NBAS: variants seen among roughly 807,000 people sequenced by gnomAD.
NBAS encodes the protein NBAS subunit of NRZ tethering complex, also known as NAG/BC035112 fusion.
In NBAS, 219 loss-of-function variants were observed where a neutral mutation model predicts 302.5. The observed-to-expected ratio is 0.72, with a 90% CI of 0.65 to 0.81. NBAS has a LOEUF of 0.81. Ranked by LOEUF, NBAS falls within the 30% of genes least tolerant of loss-of-function variation. The probability of loss-of-function intolerance (pLI) is 0.00; values close to 1 mark genes in which losing one functional copy is unlikely to be tolerated. For synonymous variants in NBAS, 1,118 were observed against 1,021.6 expected (o/e 1.09, Z -1.80); for missense variants, 2,932 against 2,841.6 (o/e 1.03, Z -0.72).
chr2:15,027,922 A>G, the NBAS span, among the ~76,000 whole-genome samples: 1 of 152,144 alleles, frequency 6.6e-6, no homozygotes, highest in Admixed American at 6.5e-5. Flanking sequence ...CAGTTTGTCA[A>G]TATAATAGAT....
intron 50 of NBAS, among the ~76,000 whole-genome samples, chr2:15,182,914 G>A (rs962747048): frequency 3.9e-5 from 6 of 152,070 alleles, no homozygotes; most frequent in African/African-American, 1.4e-4. Flanking sequence ...AAGTCTGTAA[G>A]CATGGGAGCT....
At chr2:14,923,829 A>T in the NBAS span, among the ~76,000 whole-genome samples, 2,705 of 152,222 alleles carry the variant, frequency 0.018, 31 homozygotes, top group Non-Finnish European at 0.027. Context: ...TAAGTTGGGG[A>T]TGGGGTGTCC....
intron 38 of NBAS, among the ~76,000 whole-genome samples, chr2:15,314,798 G>A (rs879028546): frequency 1.2e-4 from 18 of 152,274 alleles, no homozygotes; most frequent in East Asian, 1.9e-4. Flanking sequence ...TAATAGGAGC[G>A]TGGATGTACA....
At chr2:15,126,250 T>G in the NBAS span, among the ~76,000 whole-genome samples, 10 of 152,216 alleles carry the variant, frequency 6.6e-5, no homozygotes, top group Admixed American at 4.6e-4. Flanking sequence ...CCTCCATGAT[T>G]ATAAGCTTCC....
At chr2:14,872,543 T>C in the NBAS span, among the ~76,000 whole-genome samples, 1 of 152,210 alleles carries the variant, frequency 6.6e-6, no homozygotes, top group Admixed American at 6.5e-5. Flanking sequence ...CCTTCTGATA[T>C]TTGGAAGTGT....
chr2:15,359,537 T>G (rs916642959), intron 32 of NBAS, among the ~76,000 whole-genome samples: 4 of 152,112 alleles, frequency 2.6e-5, no homozygotes, highest in African/African-American at 9.7e-5. Context: ...AGATCTAAAA[T>G]TATTTTCCCA....
At chr2:15,164,375 A>T (rs964931676), downstream of NBAS, among the ~76,000 whole-genome samples, 2 of 152,240 alleles carry the variant, frequency 1.3e-5, no homozygotes, top group Non-Finnish European at 2.9e-5. Flanking sequence ...CTGGGTTTGC[A>T]TTGTGGTTCC....
In NBAS at chr2:15,504,201, G is replaced by A; in HGVS notation, c.898C>T (p.Leu300=). The change falls in exon 11 of 52, where the codon CTG becomes TTG. Residue 300 remains leucine, a synonymous_variant. Coordinates refer to ENST00000281513, the MANE Select transcript of NBAS (RefSeq NM_015909.4). ...ACACTTAACATCCTTAATAATCCCA[G>A]TGTCTTCGGTACCTGCAAAATAAAT... ...GDGVTAVPKT[L]GLLRMLSVKF... 1 of 1,612,334 alleles carries A rather than the reference G, an allele frequency of 6.2e-7. No individual in the cohort carries two copies. The highest frequency in any genetic ancestry group is 1.1e-5 in the South Asian group (1 of 91,050).
chr2:15,401,037 A>G (rs1170124066), intron 26 of NBAS, among the ~76,000 whole-genome samples: 1 of 152,132 alleles, frequency 6.6e-6, no homozygotes, highest in Non-Finnish European at 1.5e-5. Context: ...TTCATATTGG[A>G]TCACATCAGG....
chr2:14,829,067 C>T, the NBAS span, among the ~76,000 whole-genome samples: 1 of 149,548 alleles, frequency 6.7e-6, no homozygotes, highest in Non-Finnish European at 1.5e-5. Flanking sequence ...AGAGTCAAGA[C>T]TCAAAGTCAC....
At chr2:15,234,963 C>A (rs1374522532) in intron 45 of NBAS, among the ~76,000 whole-genome samples, 1 of 152,080 alleles carries the variant, frequency 6.6e-6, no homozygotes, top group Non-Finnish European at 1.5e-5. Flanking sequence ...AGTTAGTGGG[C>A]CTTTGTGATC....
intron 31 of NBAS, 130 bp from the exon 32 acceptor site, chr2:15,366,823 A>G: frequency 1.2e-6 from 1 of 801,120 alleles, no homozygotes. Flanking sequence ...GAATTAAGTA[A>G]AAGTAAAAGG....
At chr2:14,926,266 G>A in the NBAS span, among the ~76,000 whole-genome samples, 1 of 152,184 alleles carries the variant, frequency 6.6e-6, no homozygotes, top group African/African-American at 2.4e-5. Context: ...AGAGAGGCCT[G>A]TGCCTACCAC....
chr2:14,793,726 C>T, the NBAS span, among the ~76,000 whole-genome samples: 1 of 152,098 alleles, frequency 6.6e-6, no homozygotes, highest in South Asian at 2.1e-4. Flanking sequence ...TGAGTAAACA[C>T]CAAACTCAAA....
chr2:15,046,975 C>T, the NBAS span, among the ~76,000 whole-genome samples: 1 of 152,132 alleles, frequency 6.6e-6, no homozygotes, highest in Non-Finnish European at 1.5e-5. Flanking sequence ...ACACCACGGG[C>T]CTGCTGGTGG....
intron 48 of NBAS, among the ~76,000 whole-genome samples, chr2:15,217,724 A>G (rs1472029877): frequency 6.6e-6 from 1 of 152,352 alleles, no homozygotes. Context: ...TTCAACAGCC[A>G]CAATATTTCT....
At chr2:15,071,390 C>G in the NBAS span, among the ~76,000 whole-genome samples, 1 of 152,154 alleles carries the variant, frequency 6.6e-6, no homozygotes, top group East Asian at 1.9e-4. Flanking sequence ...CTTTGGGAGG[C>G]CAAGGCGGGC....
At chr2:15,246,737 G>C (rs2147971245) in intron 44 of NBAS, among the ~76,000 whole-genome samples, 1 of 152,350 alleles carries the variant, frequency 6.6e-6, no homozygotes, top group Non-Finnish European at 1.5e-5. Flanking sequence ...ACGGCATCAA[G>C]CTACTGATGG....
chr2:14,873,902 G>A, the NBAS span, among the ~76,000 whole-genome samples: 3 of 151,308 alleles, frequency 2.0e-5, no homozygotes, highest in Non-Finnish European at 1.5e-5. Flanking sequence ...TATGAGAATG[G>A]GAAAATAAGA....
Sources: allele counts gnomAD v4.1 joint callset (sites outside exome capture counted in the v4.1 genomes callset), GRCh38; gene constraint gnomAD v4.1.1; transcripts MANE v1.5; gene names NCBI Gene and HGNC (gene_info 2026-07-23, HGNC 2026-07-21).